The following MIDEAS variants were observed in gnomAD, a reference collection of about 807,000 sequenced individuals.
MIDEAS encodes mitotic deacetylase associated SANT domain protein.
MIDEAS carries 26 observed loss-of-function variants against 102.7 expected under a neutral mutation model. The ratio of observed to expected loss-of-function variants is 0.25; its 90% CI spans 0.19 to 0.35. MIDEAS has a LOEUF of 0.35. Ranked by LOEUF, MIDEAS falls within the 10% of genes least tolerant of loss-of-function variation. MIDEAS has a pLI of 1.00. For missense variants in MIDEAS, 1,231 were observed against 1,435.6 expected (o/e 0.86, Z 2.30); for synonymous variants, 585 against 591.0 (o/e 0.99, Z 0.15).
chr14:73,785,419 AAGG>A (rs1364834685), intron 1 of MIDEAS, among the ~76,000 whole-genome samples: 3 of 152,102 alleles, frequency 2.0e-5, no homozygotes, highest in South Asian at 2.1e-4. Context: ...TCCTATGGAG[AAGG>A]AGGAGTCACT....
At chr14:73,745,457 C>T (rs1440570935) in intron 1 of MIDEAS, among the ~76,000 whole-genome samples, 1 of 152,206 alleles carries the variant, frequency 6.6e-6, no homozygotes, top group Non-Finnish European at 1.5e-5. Flanking sequence ...CCTCAAGACA[C>T]TAAGGTCTGG....
At chr14:73,788,041 C>A (rs1595308233), upstream of MIDEAS, among the ~76,000 whole-genome samples, 1 of 151,566 alleles carries the variant, frequency 6.6e-6, no homozygotes, top group African/African-American at 2.4e-5. Context: ...TTAAAAAGTA[C>A]AACGGAAAGC....
intron 1 of MIDEAS, among the ~76,000 whole-genome samples, chr14:73,767,520 C>T (rs990109421): frequency 1.3e-4 from 20 of 152,084 alleles, no homozygotes; most frequent in African/African-American, 4.8e-4. Flanking sequence ...CACTTCTAGT[C>T]CCAGCTACTT....
upstream of MIDEAS, among the ~76,000 whole-genome samples, chr14:73,764,680 T>A (rs17182586): frequency 0.19 from 28,694 of 152,242 alleles, 3,594 homozygotes; most frequent in Non-Finnish European, 0.27. Context: ...AGCCACTGTG[T>A]GCTGAGATGT....
At chr14:73,775,622 T>C (rs544402276) in intron 1 of MIDEAS, among the ~76,000 whole-genome samples, 2 of 152,198 alleles carry the variant, frequency 1.3e-5, no homozygotes, top group Admixed American at 1.3e-4. Context: ...AGCTTCCCGC[T>C]TTCCCAGGGA....
intron 1 of MIDEAS, among the ~76,000 whole-genome samples, chr14:73,755,667 T>C (rs952587558): frequency 1.3e-5 from 2 of 152,182 alleles, no homozygotes; most frequent in African/African-American, 4.8e-5. Context: ...AGGGCCACAG[T>C]CCCTCTCAAA....
chr14:73,784,583 G>A (rs1180129196), intron 1 of MIDEAS, among the ~76,000 whole-genome samples: 2 of 152,162 alleles, frequency 1.3e-5, no homozygotes. Flanking sequence ...CAAAGCTTTG[G>A]GATCAGAAGG....
rs747604228 is a variant in MIDEAS, at chr14:73,739,241, C to T, written c.768G>A (p.Gln256=). Residue 256 remains glutamine, a synonymous_variant, in exon 2 of 13, where the codon CAG becomes CAA. Coordinates refer to ENST00000423556, the MANE Select transcript of MIDEAS (RefSeq NM_001367710.1). Reference sequence around the variant, plus strand: ...GGGCTGCCTGCTGCTGCTGCTGCTGCTGCTGTGGTTGCTGCTGCTGCTGCT... The same window carrying T: ...GGGCTGCCTGCTGCTGCTGCTGCTGTTGCTGTGGTTGCTGCTGCTGCTGCT... The part of the protein sequence containing the change: ...QKQQQQQQPQ[Q]QQQQQQAALP... 1.2e-6 allele frequency: 2 copies of T among 1,612,290 alleles called. No individual in the cohort carries two copies. Among genetic ancestry groups the T allele is most frequent in the African/African-American group, 1.3e-5 (1 of 74,874 alleles).
intron 1 of MIDEAS, among the ~76,000 whole-genome samples, chr14:73,785,215 C>G (rs1284165951): frequency 1.3e-5 from 2 of 152,216 alleles, no homozygotes; most frequent in African/African-American, 4.8e-5. Context: ...CTGCACAAAT[C>G]CAATACACGC....
chr14:73,731,116 C>T (rs922997001), intron 3 of MIDEAS, among the ~76,000 whole-genome samples: 2 of 152,246 alleles, frequency 1.3e-5, no homozygotes, highest in African/African-American at 4.8e-5. Flanking sequence ...GCCTCATGGG[C>T]CTCTATCTAG....
chr14:73,730,678 G>A (rs1221496337), intron 3 of MIDEAS, among the ~76,000 whole-genome samples: 1 of 152,056 alleles, frequency 6.6e-6, no homozygotes, highest in East Asian at 1.9e-4. Flanking sequence ...AAAATGGAAT[G>A]GACAAGGCCG....
chr14:73,744,717 A>G (rs903395237), intron 1 of MIDEAS, among the ~76,000 whole-genome samples: 3 of 152,196 alleles, frequency 2.0e-5, no homozygotes, highest in Non-Finnish European at 1.5e-5. Flanking sequence ...TCTGTGCTTG[A>G]GCCAGGGCCT....
At chr14:73,722,914 C>A (rs569815225) in intron 9 of MIDEAS, 67 bp from the exon 10 acceptor site, 3 of 1,557,946 alleles carry the variant, frequency 1.9e-6, no homozygotes, top group South Asian at 2.3e-5. Context: ...GAGAATCCAG[C>A]CTTTCTCGTC....
chr14:73,765,438 A>G (rs1595292858), intron 1 of MIDEAS, among the ~76,000 whole-genome samples: 1 of 152,196 alleles, frequency 6.6e-6, no homozygotes, highest in South Asian at 2.1e-4. Context: ...TGTCTGGCAC[A>G]CACTAAGTCT....
In MIDEAS at chr14:73,766,618, C is replaced by T. The variant is rs149656309; in HGVS notation, c.-248+20484G>A. Among the ~76,000 whole-genome samples the T allele has an allele frequency of 2.5e-3, 379 of 151,634 alleles. 3 individuals are homozygous for T. The highest frequency in any genetic ancestry group is 8.7e-3 in the African/African-American group (360 of 41,330). On this transcript the variant is annotated intron_variant, in intron 1 of 11. Transcript: ENST00000394071. ...AGGCTGGAGTGCAGTGGTGCAATCT[C>T]GGCTCATTGCAAGCTCCACCTCCCA...
At chr14:73,721,037 C>T (rs773967996) in intron 11 of MIDEAS, among the ~76,000 whole-genome samples, 9 of 152,164 alleles carry the variant, frequency 5.9e-5, no homozygotes, top group Non-Finnish European at 1.3e-4. Flanking sequence ...AAAAATTAAT[C>T]GCAGACTCTG....
chr14:73,729,306 A>G (rs1361837597), intron 4 of MIDEAS: 1 of 233,688 alleles, frequency 4.3e-6, no homozygotes, highest in Non-Finnish European at 8.4e-6. Context: ...ATCCAAAAAT[A>G]GTTGAATATT....
At chr14:73,719,772 C>A (rs2140092491) in intron 11 of MIDEAS, among the ~76,000 whole-genome samples, 1 of 150,358 alleles carries the variant, frequency 6.7e-6, no homozygotes, top group South Asian at 2.2e-4. Flanking sequence ...GACAGGGGAT[C>A]TTGGTCTCTG....
rs1595304738 is a variant in MIDEAS at position 73,783,714 on chromosome 14, A to G, written c.-248+3388T>C. ...CTGTGTCATGCAGACGAGAAAGAAG[A>G]AGGTTTAAGGGGCTCACAAAGAGAT... is the stretch of plus-strand genomic sequence containing the variant. On this transcript the variant is annotated intron_variant, in intron 1 of 11. Transcript: ENST00000394071. 2.0e-5 allele frequency among the ~76,000 whole-genome samples: 3 copies of G among 152,310 alleles called. No homozygotes were observed. The South Asian group carries it at 6.2e-4, about 32-fold the overall frequency.
Sources: allele counts gnomAD v4.1 joint callset (sites outside exome capture counted in the v4.1 genomes callset), GRCh38; gene constraint gnomAD v4.1.1; transcripts MANE v1.5; gene names NCBI Gene and HGNC (gene_info 2026-07-23, HGNC 2026-07-21).